DMD: variants seen among roughly 807,000 people sequenced by gnomAD.
The protein encoded by DMD is dystrophin, also known as mutant dystrophin.
In DMD, 63 loss-of-function variants were observed where a neutral mutation model predicts 330.1. That is an observed-to-expected ratio of 0.19 (90% CI 0.16 to 0.24). DMD has a LOEUF of 0.24. Among genes scored for constraint, DMD ranks in the 10% least tolerant of loss-of-function variants. The pLI is 1.00. For synonymous variants in DMD, 1,223 were observed against 959.8 expected, an observed-to-expected ratio of 1.27 and a Z score of -5.07; for missense variants, 3,344 against 2,684.1, an observed-to-expected ratio of 1.25 and a Z score of -5.43.
intron 37 of DMD, among the ~76,000 whole-genome samples, chrX:32,357,483 A>G (rs1399039469): frequency 9.0e-6 from 1 of 111,164 alleles, no homozygotes; most frequent in African/African-American, 3.3e-5. Flanking sequence ...GTGCATACAA[A>G]AGATTTACTG....
intron 74 of DMD, among the ~76,000 whole-genome samples, chrX:31,161,101 G>T (rs1011776134): frequency 9.0e-6 from 1 of 111,673 alleles, no homozygotes; most frequent in African/African-American, 3.3e-5. Context: ...ACTCAGAACA[G>T]TTCCTGTCCA....
At chrX:32,511,673 T>C (rs1295816837) in intron 18 of DMD, among the ~76,000 whole-genome samples, 4 of 110,127 alleles carry the variant, frequency 3.6e-5, no homozygotes, top group Admixed American at 9.8e-5. Context: ...CCCTTGACAA[T>C]ATTATCTTTC....
chrX:31,522,363 C>CTATATATATA lies in DMD; in HGVS notation c.8218-14920_8218-14911dup, dbSNP rs1556678891. On this transcript the variant is annotated intron_variant, in intron 55 of 78. Coordinates refer to ENST00000357033, the MANE Select transcript of DMD (RefSeq NM_004006.3). The stretch of plus-strand genomic sequence containing the variant: ...TCTCTCTCTCTCTCTCTCTCTCTCT[C>CTATATATATA]TATATATATATATATATATATATAG... Among the ~76,000 whole-genome samples the CTATATATATA allele has an allele frequency of 1.1e-3, 38 of 35,942 alleles. 1 individual carries two copies. The highest frequency in any genetic ancestry group is 2.1e-3 in the Admixed American group (5 of 2,390). The allele number at this position is 35,942 out of a possible 115,157, so 31.2% of individuals were successfully genotyped here.
At chrX:33,332,952 T>C (rs1034955570) in intron 1 of DMD, among the ~76,000 whole-genome samples, 1 of 111,049 alleles carries the variant, frequency 9.0e-6, no homozygotes, top group Non-Finnish European at 1.9e-5. Flanking sequence ...CATAATTCCC[T>C]GAGAAGCTCA....
intron 2 of DMD, among the ~76,000 whole-genome samples, chrX:32,992,673 G>A (rs1420845419): frequency 9.1e-6 from 1 of 110,299 alleles, no homozygotes; most frequent in Non-Finnish European, 1.9e-5. Context: ...TTGGGAGGCC[G>A]ATGGGGGCGG....
At position 33,195,702 on chromosome X, in the gene DMD, C is replaced by A. The variant is rs188712315; in HGVS notation, c.31+15580G>T. Among the ~76,000 whole-genome samples the A allele has an allele frequency of 2.0e-4, 21 of 106,716 alleles. No individual in the cohort carries two copies. In the Admixed American group the frequency reaches 2.1e-3, roughly 11 times the overall value. 92.7% of individuals were successfully genotyped at this position (106,716 alleles called of 115,157 possible). ...TTGAGTACACTGGACAAAAAAGTAT[C>A]TACTTAGGATTATCCCATCCTGTTC... On this transcript the variant is annotated intron_variant, in intron 1 of 78. Coordinates refer to ENST00000357033, the MANE Select transcript of DMD (RefSeq NM_004006.3).
chrX:33,171,858 G>A (rs141203923), intron 1 of DMD, among the ~76,000 whole-genome samples: 391 of 110,855 alleles, frequency 3.5e-3, no homozygotes, highest in African/African-American at 0.012. Context: ...GGTTGGTGCT[G>A]TGCTTTGTAC....
At chrX:33,101,574 C>T (rs1374884492) in intron 1 of DMD, among the ~76,000 whole-genome samples, 2 of 110,842 alleles carry the variant, frequency 1.8e-5, no homozygotes, top group South Asian at 3.8e-4. Flanking sequence ...GAGGTTGCAG[C>T]GGGCAGAGAT....
intron 45 of DMD, among the ~76,000 whole-genome samples, chrX:31,936,336 A>G (rs894199587): frequency 2.7e-5 from 3 of 111,655 alleles, no homozygotes; most frequent in Non-Finnish European, 5.7e-5. Flanking sequence ...AACACTCGTA[A>G]ACTCCCACCA....
intron 7 of DMD, among the ~76,000 whole-genome samples, chrX:32,714,942 C>A (rs931120787): frequency 3.6e-5 from 4 of 110,856 alleles, no homozygotes; most frequent in Admixed American, 2.9e-4. Context: ...TAATCGTTCC[C>A]CCACCCTCTG....
intron 6 of DMD, 48 bp from the exon 7 acceptor site, chrX:32,809,659 A>G (rs766254206): frequency 9.5e-7 from 1 of 1,047,417 alleles, no homozygotes; most frequent in Non-Finnish European, 1.3e-6. Context: ...ATATAAATCA[A>G]TCTAGAATGT....
intron 45 of DMD, among the ~76,000 whole-genome samples, chrX:31,938,118 C>G (rs976253176): frequency 2.7e-5 from 3 of 111,711 alleles, no homozygotes; most frequent in African/African-American, 6.5e-5. Context: ...GCTACTCTTA[C>G]GCTAAGAGGA....
chrX:32,546,249 G>A (rs1357594803), intron 16 of DMD, among the ~76,000 whole-genome samples: 5 of 106,418 alleles, frequency 4.7e-5, no homozygotes, highest in African/African-American at 1.4e-4. Context: ...CGATTGTAAC[G>A]TTACCTCTTG....
At chrX:31,757,846 G>A (rs1262593407) in intron 51 of DMD, among the ~76,000 whole-genome samples, 1 of 110,979 alleles carries the variant, frequency 9.0e-6, no homozygotes, top group Non-Finnish European at 1.9e-5. Context: ...GCTAAAGTTC[G>A]TTGCCTTCCT....
intron 48 of DMD, among the ~76,000 whole-genome samples, chrX:31,869,318 T>C (rs192111539): frequency 1.8e-4 from 20 of 110,616 alleles, no homozygotes; most frequent in African/African-American, 5.9e-4. Context: ...ATGGTAGAGA[T>C]AGAGTTTCAG....
At chrX:31,993,010 G>A (rs1200890613) in intron 44 of DMD, among the ~76,000 whole-genome samples, 1 of 111,565 alleles carries the variant, frequency 9.0e-6, no homozygotes, top group Non-Finnish European at 1.9e-5. Flanking sequence ...GCAGAAGCGT[G>A]GTGGATTAAA....
At chrX:32,821,148 T>G (rs1325231794) in intron 5 of DMD, among the ~76,000 whole-genome samples, 1 of 111,412 alleles carries the variant, frequency 9.0e-6, no homozygotes, top group Non-Finnish European at 1.9e-5. Context: ...CTTACTGTTG[T>G]GAAGTAGCAT....
intron 64 of DMD, among the ~76,000 whole-genome samples, chrX:31,221,481 C>G (rs1312454256): frequency 8.9e-6 from 1 of 112,439 alleles, no homozygotes; most frequent in East Asian, 2.8e-4. Flanking sequence ...GAGCTGCTTA[C>G]TCTTCTAGAG....
intron 17 of DMD, among the ~76,000 whole-genome samples, chrX:32,531,732 T>C (rs1017479767): frequency 9.0e-6 from 1 of 110,729 alleles, no homozygotes; most frequent in Non-Finnish European, 1.9e-5. Context: ...ATTTTTCTTT[T>C]GTTCCAAATA....
Sources: allele counts gnomAD v4.1 joint callset (sites outside exome capture counted in the v4.1 genomes callset), GRCh38; gene constraint gnomAD v4.1.1; transcripts MANE v1.5; gene names NCBI Gene and HGNC (gene_info 2026-07-23, HGNC 2026-07-21).